SLIT2: variants seen among roughly 807,000 people sequenced by gnomAD.
The protein encoded by SLIT2 is slit guidance ligand 2, also known as slit homolog 2 protein.
Under a neutral mutation model 185.7 loss-of-function variants are expected in SLIT2, and 41 were observed. The observed-to-expected ratio is 0.22, with a 90% CI of 0.17 to 0.29. SLIT2 has a LOEUF of 0.29. Ranked by LOEUF, SLIT2 falls within the 10% of genes least tolerant of loss-of-function variation. The pLI, the probability that SLIT2 is intolerant of heterozygous loss-of-function variation, is 1.00. For missense variants in SLIT2, 1,571 were observed against 1,909.0 expected (o/e 0.82, Z 3.30); for synonymous variants, 693 against 680.2 (o/e 1.02, Z -0.29).
intron 8 of SLIT2, among the ~76,000 whole-genome samples, chr4:20,490,435 A>G (rs1278302249): frequency 2.0e-5 from 3 of 151,114 alleles, no homozygotes; most frequent in Admixed American, 2.0e-4. Context: ...ATATGTGTAT[A>G]TATATGTGTG....
intron 12 of SLIT2, among the ~76,000 whole-genome samples, chr4:20,520,033 C>CAAAAAAAAA (rs34644308): frequency 2.9e-5 from 2 of 68,384 alleles, no homozygotes; most frequent in Non-Finnish European, 5.3e-5. Context: ...GACTCCGTCT[C>CAAAAAAAAA]AAAAAAAAAA....
intron 4 of SLIT2, among the ~76,000 whole-genome samples, chr4:20,408,896 A>G (rs1321989182): frequency 6.6e-6 from 1 of 152,172 alleles, no homozygotes; most frequent in Non-Finnish European, 1.5e-5. Flanking sequence ...AAATGGAAAG[A>G]AAGAATACCA....
chr4:20,510,303 G>A (rs1258693627), intron 9 of SLIT2, among the ~76,000 whole-genome samples, 192 bp from the exon 10 acceptor site: 1 of 151,984 alleles, frequency 6.6e-6, no homozygotes, highest in Non-Finnish European at 1.5e-5. Context: ...GTTTATAATT[G>A]CTTAGTTTTT....
intron 26 of SLIT2, among the ~76,000 whole-genome samples, chr4:20,557,286 A>G (rs915457268): frequency 2.6e-5 from 4 of 152,196 alleles, no homozygotes; most frequent in African/African-American, 7.2e-5. Context: ...TTTCATAGCT[A>G]AAGAGAAGTC....
chr4:20,405,176 A>T (rs1726682205), intron 4 of SLIT2, among the ~76,000 whole-genome samples: 1 of 151,798 alleles, frequency 6.6e-6, no homozygotes, highest in South Asian at 2.1e-4. Flanking sequence ...AGGATTTAAC[A>T]TATACACTAC....
intron 33 of SLIT2, 120 bp from the exon 34 acceptor site, chr4:20,609,892 CT>C: frequency 1.2e-6 from 1 of 858,918 alleles, no homozygotes; most frequent in East Asian, 2.8e-5. Flanking sequence ...TCGTCTTTAT[CT>C]TCATTAGTGT....
chr4:20,296,947 C>T (rs1560293538), intron 4 of SLIT2, among the ~76,000 whole-genome samples: 1 of 152,204 alleles, frequency 6.6e-6, no homozygotes, highest in Non-Finnish European at 1.5e-5. Context: ...GCTGACAGGT[C>T]AGCATGCACA....
chr4:20,489,259 T>G (rs1336714646), intron 8 of SLIT2, among the ~76,000 whole-genome samples: 1 of 152,226 alleles, frequency 6.6e-6, no homozygotes, highest in Non-Finnish European at 1.5e-5. Flanking sequence ...ATGATTCTAC[T>G]TTTGATTTTT....
At position 20,502,456 on chromosome 4, in the gene SLIT2, A is replaced by G. The variant is rs190933431; in HGVS notation, c.915-8039A>G. 4.8e-3 allele frequency among the ~76,000 whole-genome samples: 738 copies of G among 152,314 alleles called. 20 individuals are homozygous for G. The highest frequency in any genetic ancestry group is 2.3e-3 in the Non-Finnish European group (156 of 68,028). On this transcript the variant is annotated intron_variant, in intron 9 of 36. Coordinates refer to ENST00000504154, the MANE Select transcript of SLIT2 (RefSeq NM_004787.4). The stretch of plus-strand genomic sequence containing the variant: ...AAAGGGGACAGTCTCAACCTTCAAA[A>G]TGTTTGCAGTGCAGAGAATTGAAGC...
At chr4:20,480,201 G>A (rs545023470) in intron 5 of SLIT2, among the ~76,000 whole-genome samples, 6 of 152,224 alleles carry the variant, frequency 3.9e-5, no homozygotes, top group African/African-American at 9.6e-5. Context: ...TCCCTTTCTC[G>A]ATTTGGAGTC....
chr4:20,334,770 A>C (rs924603006), intron 4 of SLIT2, among the ~76,000 whole-genome samples: 2 of 152,136 alleles, frequency 1.3e-5, no homozygotes, highest in African/African-American at 2.4e-5. Flanking sequence ...TCCTTGTTAC[A>C]CTTATTACTA....
intron 4 of SLIT2, among the ~76,000 whole-genome samples, chr4:20,397,270 A>G (rs1363542515): frequency 6.6e-6 from 1 of 151,796 alleles, no homozygotes; most frequent in Non-Finnish European, 1.5e-5. Flanking sequence ...CAAATAATCT[A>G]AAGTTCATTG....
At chr4:20,282,328 G>A (rs1714854199) in intron 4 of SLIT2, among the ~76,000 whole-genome samples, 1 of 152,102 alleles carries the variant, frequency 6.6e-6, no homozygotes, top group South Asian at 2.1e-4. Flanking sequence ...TCAAGTGTGG[G>A]TAAACATGTT....
chr4:20,383,118 A>G (rs1433030154), intron 4 of SLIT2, among the ~76,000 whole-genome samples: 1 of 152,198 alleles, frequency 6.6e-6, no homozygotes, highest in Non-Finnish European at 1.5e-5. Flanking sequence ...CCTTGATTCT[A>G]ATGTCACACC....
intron 9 of SLIT2, among the ~76,000 whole-genome samples, chr4:20,509,710 A>G (rs180677153): frequency 6.6e-6 from 1 of 152,350 alleles, no homozygotes; most frequent in East Asian, 1.9e-4. Context: ...AATATGTACC[A>G]AAAGACTTCA....
At chr4:20,370,284 A>C (rs189820091) in intron 4 of SLIT2, among the ~76,000 whole-genome samples, 11 of 152,218 alleles carry the variant, frequency 7.2e-5, no homozygotes, top group African/African-American at 2.4e-4. Flanking sequence ...AGACTCAAAA[A>C]TTCTGTTTTG....
intron 4 of SLIT2, among the ~76,000 whole-genome samples, chr4:20,363,395 G>C (rs1722886959): frequency 6.6e-6 from 1 of 152,086 alleles, no homozygotes; most frequent in Admixed American, 6.6e-5. Flanking sequence ...TGCAGAGCAG[G>C]AGAATAAGCA....
chr4:20,504,054 A>G (rs1430077280), intron 9 of SLIT2, among the ~76,000 whole-genome samples: 2 of 152,236 alleles, frequency 1.3e-5, no homozygotes, highest in African/African-American at 2.4e-5. Flanking sequence ...ATGTAGAAAT[A>G]TATGAAAGAT....
At chr4:20,582,139 C>T (rs1431419281) in intron 29 of SLIT2, among the ~76,000 whole-genome samples, 3 of 152,160 alleles carry the variant, frequency 2.0e-5, no homozygotes, top group South Asian at 2.1e-4. Flanking sequence ...TGAAGACCTT[C>T]GACCCTGTGG....
Sources: gnomAD v4.1 joint callset for allele counts (sites outside exome capture counted in the v4.1 genomes callset) on GRCh38, gnomAD v4.1.1 for gene constraint, MANE v1.5 for transcripts, NCBI Gene and HGNC (gene_info 2026-07-23, HGNC 2026-07-21) for gene names.